The following LYPD6 variants were observed in gnomAD, a reference collection of about 807,000 sequenced individuals.
LYPD6 encodes the protein ly6/PLAUR domain-containing protein 6.
LYPD6 carries 15 observed loss-of-function variants against 22.7 expected under a neutral mutation model. The observed-to-expected ratio is 0.66, with a 90% CI of 0.44 to 1.02. The LOEUF is 1.02. LYPD6 is among the 50% of genes least tolerant of loss of function. The pLI, the probability that LYPD6 is intolerant of heterozygous loss-of-function variation, is 0.00. For synonymous variants in LYPD6, 72 were observed against 77.5 expected, an observed-to-expected ratio of 0.93 and a Z score of 0.37; for missense variants, 189 against 208.4, an observed-to-expected ratio of 0.91 and a Z score of 0.57.
At chr2:149,399,079 A>G (rs953458618) in intron 1 of LYPD6, among the ~76,000 whole-genome samples, 2 of 152,134 alleles carry the variant, frequency 1.3e-5, no homozygotes, top group Admixed American at 1.3e-4. Flanking sequence ...AGTTGAATGG[A>G]GAATGAAGAG....
At chr2:149,340,202 G>T (rs1428681045) in intron 1 of LYPD6, among the ~76,000 whole-genome samples, 1 of 152,062 alleles carries the variant, frequency 6.6e-6, no homozygotes, top group Non-Finnish European at 1.5e-5. Context: ...ACCTAAAAAA[G>T]CAGGAGAGAT....
At chr2:149,464,041 A>G in intron 3 of LYPD6, 1 of 387,448 alleles carries the variant, frequency 2.6e-6, no homozygotes, top group Non-Finnish European at 5.1e-6. Context: ...AAAGGTGTAG[A>G]GGATCTCCTA....
intron 1 of LYPD6, among the ~76,000 whole-genome samples, chr2:149,413,226 A>G (rs1432807570): frequency 6.6e-6 from 1 of 152,172 alleles, no homozygotes; most frequent in Non-Finnish European, 1.5e-5. Flanking sequence ...TATGGCGCCA[A>G]CATCCGGCCA....
chr2:149,433,660 T>C (rs1469774027), intron 1 of LYPD6, among the ~76,000 whole-genome samples: 1 of 152,158 alleles, frequency 6.6e-6, no homozygotes, highest in Non-Finnish European at 1.5e-5. Context: ...CTCCAGTCCC[T>C]AGTTTTATGC....
intron 1 of LYPD6, among the ~76,000 whole-genome samples, chr2:149,377,580 G>T (rs1167836754): frequency 6.6e-6 from 1 of 152,150 alleles, no homozygotes; most frequent in African/African-American, 2.4e-5. Context: ...AGGAGTTTGA[G>T]ACCAGCCTGG....
At chr2:149,451,838 A>G (rs1030706383) in intron 3 of LYPD6, among the ~76,000 whole-genome samples, 3 of 152,212 alleles carry the variant, frequency 2.0e-5, no homozygotes, top group Admixed American at 6.5e-5. Flanking sequence ...TTACAAAGTG[A>G]AAGATAGGAA....
intron 1 of LYPD6, among the ~76,000 whole-genome samples, chr2:149,420,402 C>T (rs747633587): frequency 2.6e-5 from 4 of 152,090 alleles, no homozygotes; most frequent in Non-Finnish European, 4.4e-5. Context: ...AAAATGTGAC[C>T]GTCCCGCTGG....
intron 3 of LYPD6, among the ~76,000 whole-genome samples, chr2:149,461,909 A>G (rs374447413): frequency 6.6e-6 from 1 of 152,006 alleles, no homozygotes; most frequent in Admixed American, 6.5e-5. Context: ...TCAACTTGAT[A>G]ACATCGATTA....
At chr2:149,468,550 T>G (rs1309093909) in intron 3 of LYPD6, 95 bp from the exon 4 acceptor site, 1 of 1,428,896 alleles carries the variant, frequency 7.0e-7, no homozygotes, top group Non-Finnish European at 9.6e-7. Context: ...CTATTAGCTC[T>G]TTTCTGGAAT....
Position 149,459,534 on chromosome 2 carries a change from T to C in LYPD6, c.218-9111T>C, listed in dbSNP as rs185417170. Among the ~76,000 whole-genome samples, 645 of 152,356 alleles carry C rather than the reference T, an allele frequency of 4.2e-3. 3 individuals are homozygous for C. Among genetic ancestry groups the C allele is most frequent in the Middle Eastern group, 0.027 (8 of 294 alleles). ...TTCTTCTCTTGAGTTTTCTGAATTA[T>C]GTTTGACAGTTGAAGCAAAACTTAT... On this transcript the variant is annotated intron_variant, in intron 3 of 4. Coordinates refer to ENST00000334166, the MANE Select transcript of LYPD6 (RefSeq NM_194317.5).
chr2:149,444,578 G>A (rs1450228756), intron 2 of LYPD6, among the ~76,000 whole-genome samples: 1 of 152,064 alleles, frequency 6.6e-6, no homozygotes, highest in South Asian at 2.1e-4. Flanking sequence ...GTTCTATGAT[G>A]TTCTAAATCC....
chr2:149,412,361 C>CTT (rs199667102), intron 1 of LYPD6, among the ~76,000 whole-genome samples: 2 of 142,694 alleles, frequency 1.4e-5, no homozygotes, highest in Admixed American at 7.0e-5. Context: ...AATTTTATTT[C>CTT]TTTTTTTTTT....
chr2:149,451,653 A>G (rs1197446482), intron 3 of LYPD6, among the ~76,000 whole-genome samples: 1 of 152,204 alleles, frequency 6.6e-6, no homozygotes. Flanking sequence ...GTCATAATCT[A>G]TCATTTCAAA....
chr2:149,454,681 G>A (rs957408116), intron 3 of LYPD6, among the ~76,000 whole-genome samples: 1 of 152,120 alleles, frequency 6.6e-6, no homozygotes, highest in Non-Finnish European at 1.5e-5. Context: ...CAAAATGATG[G>A]TACCACTTAC....
chr2:149,345,754 G>A (rs1353459016), intron 1 of LYPD6, among the ~76,000 whole-genome samples: 1 of 152,022 alleles, frequency 6.6e-6, no homozygotes, highest in Non-Finnish European at 1.5e-5. Flanking sequence ...ATTTGATTAT[G>A]TATATTTTAA....
chr2:149,384,762 G>A (rs545632384), intron 1 of LYPD6, among the ~76,000 whole-genome samples: 8 of 151,656 alleles, frequency 5.3e-5, no homozygotes, highest in Non-Finnish European at 8.8e-5. Context: ...AAGTTTTAGG[G>A]TACATGTGCA....
At chr2:149,462,970 A>G (rs1014048280) in intron 3 of LYPD6, among the ~76,000 whole-genome samples, 2 of 152,082 alleles carry the variant, frequency 1.3e-5, no homozygotes, top group Non-Finnish European at 2.9e-5. Context: ...ATCTTCATAA[A>G]TCTAGGGCTA....
intron 1 of LYPD6, among the ~76,000 whole-genome samples, chr2:149,416,082 G>A (rs1344816633): frequency 1.3e-5 from 2 of 152,194 alleles, no homozygotes; most frequent in African/African-American, 4.8e-5. Flanking sequence ...AGTTTGAAGA[G>A]CAGTGCCTCC....
chr2:149,444,516 C>A (rs1425191096), intron 2 of LYPD6, among the ~76,000 whole-genome samples: 2 of 152,224 alleles, frequency 1.3e-5, no homozygotes, highest in Non-Finnish European at 2.9e-5. Flanking sequence ...AGCAGAACTT[C>A]TTTCAAACTT....
Sources: allele counts gnomAD v4.1 joint callset (sites outside exome capture counted in the v4.1 genomes callset), GRCh38; gene constraint gnomAD v4.1.1; transcripts MANE v1.5; gene names NCBI Gene and HGNC (gene_info 2026-07-23, HGNC 2026-07-21).